ATP11A: variants seen among roughly 807,000 people sequenced by gnomAD.
ATP11A encodes the protein ATPase phospholipid transporting 11A, also known as phospholipid-transporting ATPase IH.
ATP11A carries 81 observed loss-of-function variants against 154.4 expected under a neutral mutation model. That is an observed-to-expected ratio of 0.52 (90% CI 0.44 to 0.63). ATP11A has a LOEUF of 0.63. ATP11A is among the 30% of genes least tolerant of loss of function. The pLI, the probability that ATP11A is intolerant of heterozygous loss-of-function variation, is 0.00. For synonymous variants in ATP11A, 623 were observed against 585.9 expected (o/e 1.06, Z -0.91); for missense variants, 1,316 against 1,474.3 (o/e 0.89, Z 1.76).
At chr13:112,781,336 G>C (rs571491589) in intron 1 of ATP11A, among the ~76,000 whole-genome samples, 1 of 152,146 alleles carries the variant, frequency 6.6e-6, no homozygotes, top group Admixed American at 6.5e-5. Context: ...CACCATGCCC[G>C]GCAGGGACCC....
In ATP11A at chr13:112,690,865, C is replaced by G. The variant is rs1471344146; in HGVS notation, c.39+410C>G. On this transcript the variant is annotated intron_variant, in intron 1 of 29. Transcript: ENST00000375645. This position sits in a 1 kb window ranked among gnomAD's most constrained non-coding sequence, Gnocchi z 5.6. Reference sequence around the variant, plus strand: ...GGGAGGAACCTTCAGATGCGGCTTCCGCGCAGCCGTGTCTGTAAGATTAAG... The same window carrying G: ...GGGAGGAACCTTCAGATGCGGCTTCGGCGCAGCCGTGTCTGTAAGATTAAG... Among the ~76,000 whole-genome samples the G allele has an allele frequency of 1.3e-5, 2 of 152,226 alleles. No homozygotes were observed. The highest frequency in any genetic ancestry group is 3.9e-4 in the East Asian group (2 of 5,184).
At chr13:112,841,632 G>T (rs1170277212) in intron 16 of ATP11A, among the ~76,000 whole-genome samples, 3 of 152,034 alleles carry the variant, frequency 2.0e-5, no homozygotes, top group Admixed American at 2.0e-4. Flanking sequence ...GTCCAGGGAT[G>T]CTTCAGGTGC....
At chr13:112,788,085 T>C in intron 2 of ATP11A, among the ~76,000 whole-genome samples, 1 of 150,270 alleles carries the variant, frequency 6.7e-6, no homozygotes, top group South Asian at 2.1e-4. Flanking sequence ...TCACACCGGG[T>C]GTCCTGATGT....
rs550432381 is a variant in ATP11A at position 112,883,374 on chromosome 13, C to G, written c.*1508C>G. 9 of 394,866 alleles carry G rather than the reference C, an allele frequency of 2.3e-5. No homozygotes were observed. The highest frequency in any genetic ancestry group is 4.4e-5 in the Admixed American group (1 of 22,616). 24.5% of individuals were successfully genotyped at this position (394,866 alleles called of 1,614,324 possible). On this transcript the variant is annotated 3_prime_UTR_variant, in exon 30 of 30. Transcript: ENST00000375645. ...CAGTGTGAGATTCAGACTTCAGACGCTGAAACTGCTGCCTTTCAGGAAAGC... is the reference window on the plus strand; with the variant it reads ...CAGTGTGAGATTCAGACTTCAGACGGTGAAACTGCTGCCTTTCAGGAAAGC...
In ATP11A at chr13:112,858,295, G is replaced by A; in HGVS notation, c.2667+5G>A. 1 of 1,607,588 alleles carries A rather than the reference G, an allele frequency of 6.2e-7. No homozygotes were observed. The highest frequency in any genetic ancestry group is 8.5e-7 in the Non-Finnish European group (1 of 1,175,628). ...GTGCAGTACTTCTTCTATAAGGTAGGAGGGTCGCCGCTCCCCCTCACGGTG... is the reference window on the plus strand; with the variant it reads ...GTGCAGTACTTCTTCTATAAGGTAGAAGGGTCGCCGCTCCCCCTCACGGTG... On this transcript the variant is annotated splice_donor_5th_base_variant and intron_variant, in intron 22 of 29. Transcript: ENST00000375645.
chr13:112,864,528 G>A (rs865924709), intron 25 of ATP11A, among the ~76,000 whole-genome samples: 6 of 71,194 alleles, frequency 8.4e-5, no homozygotes, highest in Non-Finnish European at 1.1e-4. Context: ...TCCCAGCGGG[G>A]TCCATCACCA....
chr13:112,855,246 G>A (rs540329978), intron 19 of ATP11A, among the ~76,000 whole-genome samples: 20 of 152,058 alleles, frequency 1.3e-4, no homozygotes, highest in African/African-American at 3.6e-4. Flanking sequence ...TCAATCTGTC[G>A]CCCAGGCTGG....
intron 1 of ATP11A, among the ~76,000 whole-genome samples, chr13:112,709,816 C>T (rs1169909563): frequency 6.6e-6 from 1 of 152,268 alleles, no homozygotes; most frequent in Non-Finnish European, 1.5e-5. Context: ...AGGGTTGTGC[C>T]ACTCATATTT....
Position 112,788,935 on chromosome 13 carries a change from G to A in ATP11A, c.162+3678G>A, listed in dbSNP as rs183348629. Among the ~76,000 whole-genome samples, 421 of 152,088 alleles carry A rather than the reference G, an allele frequency of 2.8e-3. 6 individuals carry two copies. Among genetic ancestry groups the A allele is most frequent in the Non-Finnish European group, 7.8e-4 (53 of 67,960 alleles). The stretch of plus-strand genomic sequence containing the variant: ...CAGGAGTCCTGATATGTAGATCCCT[G>A]TGGAGACCTACTTAATTCACACCTG... On this transcript the variant is annotated intron_variant, in intron 2 of 29. Coordinates refer to ENST00000375645, the MANE Select transcript of ATP11A (RefSeq NM_015205.3).
At position 112,838,018 on chromosome 13, in the gene ATP11A, ATG is replaced by A. The variant is rs2079287364; in HGVS notation, c.1705+1770_1705+1771del. ...CATCACCTCTGAGACACGCCATCAA[ATG>A]TGGGATGAATCCAGGCTCCACAGTG... On this transcript the variant is annotated intron_variant, in intron 16 of 29. Coordinates refer to ENST00000375645, the MANE Select transcript of ATP11A (RefSeq NM_015205.3). This position sits in a 1 kb window ranked among gnomAD's most constrained non-coding sequence, Gnocchi z 7.3. Among the ~76,000 whole-genome samples, 2 of 151,984 alleles carry A rather than the reference ATG, an allele frequency of 1.3e-5. No homozygotes were observed. The highest frequency in any genetic ancestry group is 2.9e-5 in the Non-Finnish European group (2 of 67,994).
At chr13:112,834,073 AC>A (rs1192262712) in intron 14 of ATP11A, among the ~76,000 whole-genome samples, 1 of 152,000 alleles carries the variant, frequency 6.6e-6, no homozygotes, top group African/African-American at 2.4e-5. Flanking sequence ...AAGGTCGCTG[AC>A]CCCCAGGCGT....
At chr13:112,769,592 T>C (rs1324018311) in intron 1 of ATP11A, among the ~76,000 whole-genome samples, 1 of 152,242 alleles carries the variant, frequency 6.6e-6, no homozygotes, top group African/African-American at 2.4e-5. Context: ...AGCTCAGTCA[T>C]GTGAACCTCG....
chr13:112,862,066 C>T (rs539741897), intron 24 of ATP11A, among the ~76,000 whole-genome samples: 42 of 151,832 alleles, frequency 2.8e-4, no homozygotes, highest in Admixed American at 7.2e-4. Context: ...TAAGGCATCA[C>T]GTCAGGCGTA....
rs146415559 is a variant in ATP11A at position 112,703,012 on chromosome 13, A to G, written c.39+12557A>G. On this transcript the variant is annotated intron_variant, in intron 1 of 29. Coordinates refer to ENST00000375645, the MANE Select transcript of ATP11A (RefSeq NM_015205.3). ...TGATTCTCTGAGATGCTTGTTGCTG[A>G]GATTACAAACTTAAATGGTTTTATT... Among the ~76,000 whole-genome samples the G allele has an allele frequency of 4.8e-3, 733 of 152,376 alleles. 11 individuals carry two copies. Among genetic ancestry groups the G allele is most frequent in the South Asian group, 9.7e-3 (47 of 4,830 alleles).
At chr13:112,880,727 G>C in intron 29 of ATP11A, 1 of 1,196,534 alleles carries the variant, frequency 8.4e-7, no homozygotes, top group South Asian at 1.5e-5. Context: ...GTGCTGTGCT[G>C]TGCTGTCTTT....
chr13:112,867,361 G>A (rs978485708), intron 25 of ATP11A, among the ~76,000 whole-genome samples: 1 of 152,176 alleles, frequency 6.6e-6, no homozygotes, highest in South Asian at 2.1e-4. Flanking sequence ...GCGGCCTCTG[G>A]GTTGCTCTAG....
chr13:112,860,267 T>C lies in ATP11A; in HGVS notation c.2728-20T>C, dbSNP rs1346112744. ...TAACAATGCACTGAGGTGCCACTTC[T>C]TGTGACTTTCCTCTTACAGACTTTG... On this transcript the variant is annotated intron_variant, in intron 23 of 29. Transcript: ENST00000375645. 6.2e-7 allele frequency: 1 copy of C among 1,607,262 alleles called. No individual in the cohort carries two copies. The highest frequency in any genetic ancestry group is 1.3e-5 in the African/African-American group (1 of 74,862).
At chr13:112,740,690 T>C (rs1013399612) in intron 1 of ATP11A, among the ~76,000 whole-genome samples, 3 of 152,210 alleles carry the variant, frequency 2.0e-5, no homozygotes, top group Non-Finnish European at 4.4e-5. Context: ...AGCTCAGTTT[T>C]CACTGTAACT....
intron 28 of ATP11A, among the ~76,000 whole-genome samples, chr13:112,876,707 A>C (rs926071974): frequency 1.3e-5 from 2 of 152,192 alleles, no homozygotes; most frequent in Non-Finnish European, 1.5e-5. Context: ...TGGGGAAATG[A>C]GGGGTGGGGG....
Sources: allele counts gnomAD v4.1 joint callset (sites outside exome capture counted in the v4.1 genomes callset), GRCh38; gene constraint gnomAD v4.1.1; non-coding constraint Gnocchi (gnomAD v3.1); transcripts MANE v1.5; gene names NCBI Gene and HGNC (gene_info 2026-07-23, HGNC 2026-07-21).